ATP13A5: variants seen among roughly 807,000 people sequenced by gnomAD.
ATP13A5 encodes ATPase 13A5, also known as probable cation-transporting ATPase 13A5.
ATP13A5 carries 149 observed loss-of-function variants against 150.2 expected under a neutral mutation model. The observed-to-expected ratio is 0.99, with a 90% confidence interval of 0.87 to 1.14. The LOEUF (loss-of-function observed/expected upper bound fraction) is 1.14. Among genes scored for constraint, ATP13A5 ranks in the 50% most tolerant of loss-of-function variants. The pLI is 0.00. For synonymous variants in ATP13A5, 497 were observed against 522.2 expected (o/e 0.95, Z 0.66); for missense variants, 1,383 against 1,449.3 (o/e 0.95, Z 0.74).
In ATP13A5 at chr3:193,345,747, TAC is replaced by T. The variant is rs1712312344; in HGVS notation, c.742-674_742-673del. ...GTCCACAAGGACTCAAATATAGAAG[TAC>T]AGAGTCCTTCTCAGGCCATATTTAG... is the stretch of plus-strand genomic sequence containing the variant. On this transcript the variant is annotated intron_variant, in intron 7 of 29. Transcript: ENST00000342358. Among the ~76,000 whole-genome samples, 5 of 152,250 alleles carry T rather than the reference TAC, an allele frequency of 3.3e-5. No homozygotes were observed. The South Asian group carries it at 1.0e-3, about 32-fold the overall frequency.
chr3:193,366,375 G>A (rs1234724958), intron 1 of ATP13A5, among the ~76,000 whole-genome samples: 1 of 151,998 alleles, frequency 6.6e-6, no homozygotes, highest in African/African-American at 2.4e-5. Flanking sequence ...ACATAAAGAA[G>A]TGGATAGGTT....
rs562671095 is a variant in ATP13A5 at position 193,316,971 on chromosome 3, A to G, written c.2034-1875T>C. Among the ~76,000 whole-genome samples the G allele has an allele frequency of 2.0e-5, 3 of 152,340 alleles. No homozygotes were observed. The East Asian group carries it at 5.8e-4, about 29-fold the overall frequency. On this transcript the variant is annotated intron_variant, in intron 17 of 29. Coordinates refer to ENST00000342358, the MANE Select transcript of ATP13A5 (RefSeq NM_198505.4). ...AATCTTCTTGATATTGGTCTTGGCAATGATTTCATGGCTATGACACATAAA... is the reference window on the plus strand; with the variant it reads ...AATCTTCTTGATATTGGTCTTGGCAGTGATTTCATGGCTATGACACATAAA...
intron 23 of ATP13A5, among the ~76,000 whole-genome samples, chr3:193,301,729 T>C (rs1475973584): frequency 6.6e-6 from 1 of 152,194 alleles, no homozygotes; most frequent in Admixed American, 6.5e-5. Context: ...TCCTGGGAAT[T>C]GCATTGTGTG....
chr3:193,284,013 T>TATA (rs1220120494), intron 27 of ATP13A5, among the ~76,000 whole-genome samples: 1 of 148,642 alleles, frequency 6.7e-6, no homozygotes, highest in Non-Finnish European at 1.5e-5. Context: ...TGCGGATTAT[T>TATA]ATTATTATTA....
At chr3:193,336,868 T>C (rs1034093223) in intron 9 of ATP13A5, among the ~76,000 whole-genome samples, 1 of 152,208 alleles carries the variant, frequency 6.6e-6, no homozygotes, top group Non-Finnish European at 1.5e-5. Flanking sequence ...GTAAAAGTGT[T>C]CCTATTTCTC....
chr3:193,318,960 C>T lies in ATP13A5; in HGVS notation c.2033+31G>A, dbSNP rs377328221. 3.3e-6 allele frequency: 5 copies of T among 1,513,636 alleles called. No homozygotes were observed. In the East Asian group the frequency reaches 9.0e-5, roughly 27 times the overall value. 93.8% of individuals were successfully genotyped at this position (1,513,636 alleles called of 1,614,324 possible). A position where few individuals can be genotyped will look rare whatever the true frequency, so the allele number is the denominator to read the frequency against. On this transcript the variant is annotated intron_variant, in intron 17 of 29. Coordinates refer to ENST00000342358, the MANE Select transcript of ATP13A5 (RefSeq NM_198505.4). ...GACTCGCACTTCATGGGCACAGAGC[C>T]TGCTCTAGTGCCAATTTCTGAATTG...
intron 26 of ATP13A5, among the ~76,000 whole-genome samples, chr3:193,289,213 A>G (rs375407048): frequency 1.5e-4 from 23 of 152,230 alleles, no homozygotes; most frequent in African/African-American, 5.5e-4. Context: ...TGTCAGCAAA[A>G]TAAAGCTTGA....
At chr3:193,337,352 A>C (rs1331889298) in intron 9 of ATP13A5, among the ~76,000 whole-genome samples, 1 of 152,152 alleles carries the variant, frequency 6.6e-6, no homozygotes, top group African/African-American at 2.4e-5. Flanking sequence ...GTTTTCTTCT[A>C]GGGTTTTTAT....
chr3:193,274,905 T>G lies in ATP13A5; in HGVS notation c.*137A>C. 2 of 1,285,890 alleles carry G rather than the reference T, an allele frequency of 1.6e-6. No individual in the cohort carries two copies. Among genetic ancestry groups the G allele is most frequent in the Non-Finnish European group, 2.2e-6 (2 of 924,426 alleles). The allele number at this position is 1,285,890 out of a possible 1,614,324, so 79.7% of individuals were successfully genotyped here. ...CTATCTAAGGTCCCTTGCTGCAAGG[T>G]TTAATTCATTGAAAATATACTTTGA... is the stretch of plus-strand genomic sequence containing the variant. On this transcript the variant is annotated 3_prime_UTR_variant, in exon 30 of 30. Transcript: ENST00000342358.
chr3:193,324,899 G>A lies in ATP13A5; in HGVS notation c.1639C>T (p.Pro547Ser). 6.2e-7 allele frequency: 1 copy of A among 1,613,970 alleles called. No individual in the cohort carries two copies. The highest frequency in any genetic ancestry group is 8.5e-7 in the Non-Finnish European group (1 of 1,179,878). ...ILLNGTIQGD[P>S]LDLKMFEGTA... Reference sequence around the variant, plus strand: ...CCCTCAAACATTTTGAGGTCCAGAGGGTCTCCCTGGATGGTCCCATTGAGA... The same window carrying A: ...CCCTCAAACATTTTGAGGTCCAGAGAGTCTCCCTGGATGGTCCCATTGAGA... The change falls in exon 14 of 30, where the codon CCT becomes TCT. Residue 547 changes from proline to serine, a missense_variant. Pro to Ser is a moderately conservative substitution (Grantham distance 74). Around this residue, in one of 3 missense-constraint regions of ATP13A5, gnomAD observed 787 missense variants for 771.9 expected, o/e 1.02. Coordinates refer to ENST00000342358, the MANE Select transcript of ATP13A5 (RefSeq NM_198505.4).
At chr3:193,342,488 A>T (rs150950844) in intron 9 of ATP13A5, among the ~76,000 whole-genome samples, 17 of 152,346 alleles carry the variant, frequency 1.1e-4, no homozygotes, top group Non-Finnish European at 1.8e-4. Flanking sequence ...TCTGTCTCTG[A>T]AACTGGCCTC....
At chr3:193,361,458 A>C (rs1560150179) in intron 5 of ATP13A5, among the ~76,000 whole-genome samples, 1 of 152,156 alleles carries the variant, frequency 6.6e-6, no homozygotes, top group Non-Finnish European at 1.5e-5. Context: ...CAGAATTATG[A>C]GGGTGGAGCT....
At chr3:193,363,128 T>A in intron 3 of ATP13A5, 108 bp downstream of exon 3, 1 of 1,309,110 alleles carries the variant, frequency 7.6e-7, no homozygotes, top group South Asian at 1.5e-5. Flanking sequence ...GATACATAGC[T>A]GTCATTCCCA....
chr3:193,370,049 G>A (rs1314836388), intron 1 of ATP13A5, among the ~76,000 whole-genome samples: 1 of 152,152 alleles, frequency 6.6e-6, no homozygotes, highest in Non-Finnish European at 1.5e-5. Context: ...TGTTAGTTGA[G>A]TTGAATAGCA....
intron 21 of ATP13A5, among the ~76,000 whole-genome samples, chr3:193,310,337 C>T (rs1180882581): frequency 6.6e-6 from 1 of 152,176 alleles, no homozygotes; most frequent in Non-Finnish European, 1.5e-5. Flanking sequence ...CAGTCACATG[C>T]ATGTGTCTTT....
chr3:193,328,193 A>G (rs539532990), intron 12 of ATP13A5, among the ~76,000 whole-genome samples: 5 of 152,342 alleles, frequency 3.3e-5, no homozygotes, highest in African/African-American at 9.6e-5. Flanking sequence ...TCTTCCTCCA[A>G]ACTAGCAAAT....
chr3:193,280,895 C>T (rs1397530355), intron 27 of ATP13A5, among the ~76,000 whole-genome samples: 12 of 152,054 alleles, frequency 7.9e-5, no homozygotes, highest in Non-Finnish European at 1.2e-4. Flanking sequence ...CCACCCCCAA[C>T]TCTCTACAGG....
At chr3:193,350,207 A>C (rs1278257036) in intron 7 of ATP13A5, among the ~76,000 whole-genome samples, 3 of 152,088 alleles carry the variant, frequency 2.0e-5, no homozygotes, top group Non-Finnish European at 4.4e-5. Context: ...TCTCCATATA[A>C]GCTGGTATAT....
chr3:193,356,171 C>T (rs1263521301), intron 5 of ATP13A5, among the ~76,000 whole-genome samples: 2 of 152,064 alleles, frequency 1.3e-5, no homozygotes, highest in Non-Finnish European at 2.9e-5. Context: ...GCTACCCTGA[C>T]TCTTAATTCA....
Sources: allele counts gnomAD v4.1 joint callset (sites outside exome capture counted in the v4.1 genomes callset), GRCh38; gene constraint gnomAD v4.1.1; regional missense constraint gnomAD v4.1.1; transcripts MANE v1.5; gene names NCBI Gene and HGNC (gene_info 2026-07-23, HGNC 2026-07-21).